The following TRMT11 variants were observed in gnomAD, a reference collection of about 807,000 sequenced individuals.
The protein encoded by TRMT11 is tRNA (guanine(10)-N(2))-methyltransferase TRMT11.
Under a neutral mutation model 62.8 loss-of-function variants are expected in TRMT11, and 53 were observed. That is an observed-to-expected ratio of 0.84 (90% CI 0.68 to 1.06). The LOEUF is 1.06. Among genes scored for constraint, TRMT11 ranks in the 50% least tolerant of loss-of-function variants. The pLI is 0.00. For missense variants in TRMT11, 556 were observed against 553.4 expected, an observed-to-expected ratio of 1.00 and a Z score of -0.05; for synonymous variants, 188 against 190.3, an observed-to-expected ratio of 0.99 and a Z score of 0.10.
In TRMT11 at chr6:126,184,862, G is replaced by T. The variant is rs141568739; in HGVS notation, n.143+7527G>T. Among the ~76,000 whole-genome samples the T allele has an allele frequency of 1.9e-3, 289 of 152,292 alleles. 2 individuals are homozygous for T. The highest frequency in any genetic ancestry group is 2.1e-3 in the Non-Finnish European group (142 of 68,026). ...TAACTAGGGTTAAATGCAATCAGAG[G>T]CAGCCTGACAAAGAATTTCCTTGTC... On this transcript the variant is annotated intron_variant and non_coding_transcript_variant, in intron 1 of 3. Coordinates refer to the TRMT11 transcript ENST00000444229.
chr6:126,245,197 A>G, the TRMT11 span, among the ~76,000 whole-genome samples: 1 of 152,242 alleles, frequency 6.6e-6, no homozygotes, highest in Non-Finnish European at 1.5e-5. Context: ...GGGTGGACCC[A>G]TGAATGATTA....
chr6:125,986,716 G>A, intron 1 of TRMT11, 94 bp downstream of exon 1: 1 of 1,213,478 alleles, frequency 8.2e-7, no homozygotes, highest in East Asian at 2.6e-5. Flanking sequence ...CGAGGAAGCT[G>A]GGATTCGGGG....
intron 17 of TRMT11, among the ~76,000 whole-genome samples, chr6:126,103,670 G>A (rs775787596): frequency 6.6e-6 from 1 of 152,210 alleles, no homozygotes; most frequent in African/African-American, 2.4e-5. Flanking sequence ...GCCTTTCTCA[G>A]CAATTATTGG....
chr6:126,144,687 A>G (rs1194682058), intron 21 of TRMT11, among the ~76,000 whole-genome samples: 1 of 152,108 alleles, frequency 6.6e-6, no homozygotes, highest in Non-Finnish European at 1.5e-5. Flanking sequence ...CCTGTTGCCC[A>G]TTTGATTCTC....
At chr6:126,180,082 A>G (rs1020224547) in intron 1 of TRMT11, among the ~76,000 whole-genome samples, 3 of 152,192 alleles carry the variant, frequency 2.0e-5, no homozygotes, top group African/African-American at 7.2e-5. Context: ...CTGAAAAAAT[A>G]GTTTGGAATG....
At chr6:126,087,324 A>G (rs1330930924) in intron 17 of TRMT11, among the ~76,000 whole-genome samples, 2 of 152,202 alleles carry the variant, frequency 1.3e-5, no homozygotes, top group Non-Finnish European at 2.9e-5. Flanking sequence ...CAAATTGCAA[A>G]TTAAAGAAAA....
At chr6:126,088,205 A>G (rs1777236153) in intron 17 of TRMT11, among the ~76,000 whole-genome samples, 1 of 152,122 alleles carries the variant, frequency 6.6e-6, no homozygotes, top group Non-Finnish European at 1.5e-5. Flanking sequence ...GTTAAATTGA[A>G]TTAAATTTTA....
At chr6:126,211,537 T>A in the TRMT11 span, among the ~76,000 whole-genome samples, 18 of 152,076 alleles carry the variant, frequency 1.2e-4, no homozygotes, top group African/African-American at 4.3e-4. Flanking sequence ...TATAATCCAC[T>A]CTCTACTCTT....
At chr6:126,013,152 G>C (rs199747953) in intron 11 of TRMT11, 51 bp downstream of exon 11, 4 of 1,508,948 alleles carry the variant, frequency 2.7e-6, no homozygotes, top group African/African-American at 2.8e-5. Flanking sequence ...CAATGTTTGC[G>C]TATCTAGTAT....
the TRMT11 span, among the ~76,000 whole-genome samples, chr6:126,229,319 A>G: frequency 6.6e-6 from 1 of 152,220 alleles, no homozygotes; most frequent in Non-Finnish European, 1.5e-5. Context: ...AACATTTCCA[A>G]ATTTCTTCAA....
intron 21 of TRMT11, among the ~76,000 whole-genome samples, chr6:126,154,850 A>G (rs1364935243): frequency 6.6e-6 from 1 of 152,138 alleles, no homozygotes; most frequent in Non-Finnish European, 1.5e-5. Context: ...TGAGCATCCT[A>G]CTAATTTCTA....
At chr6:126,063,091 T>A (rs1029788980) in intron 17 of TRMT11, among the ~76,000 whole-genome samples, 7 of 152,214 alleles carry the variant, frequency 4.6e-5, no homozygotes, top group African/African-American at 1.7e-4. Flanking sequence ...TTATTTATAA[T>A]AATGTTACAT....
At chr6:126,014,407 C>T (rs1038168156) in intron 11 of TRMT11, among the ~76,000 whole-genome samples, 6 of 152,054 alleles carry the variant, frequency 3.9e-5, no homozygotes, top group Non-Finnish European at 8.8e-5. Flanking sequence ...CACGCCACCA[C>T]GGCCCGCTAA....
chr6:126,093,454 G>A (rs1209236860), intron 17 of TRMT11, among the ~76,000 whole-genome samples: 1 of 150,034 alleles, frequency 6.7e-6, no homozygotes, highest in Non-Finnish European at 1.5e-5. Context: ...GAAGTTTGGA[G>A]ACAAGCAGAA....
chr6:126,257,368 G>T, the TRMT11 span, among the ~76,000 whole-genome samples: 1 of 152,162 alleles, frequency 6.6e-6, no homozygotes, highest in South Asian at 2.1e-4. Context: ...CATTGTAAAT[G>T]ATCTTTTAAA....
chr6:126,208,132 A>G (rs1778806765), downstream of TRMT11, among the ~76,000 whole-genome samples: 2 of 152,230 alleles, frequency 1.3e-5, no homozygotes, highest in African/African-American at 4.8e-5. Flanking sequence ...AGGTATCAGG[A>G]GGAAGCAGCC....
intron 11 of TRMT11, among the ~76,000 whole-genome samples, chr6:126,013,326 G>C (rs1794529218): frequency 6.6e-6 from 1 of 151,986 alleles, no homozygotes; most frequent in African/African-American, 2.4e-5. Flanking sequence ...GTGCAATCGT[G>C]ACTCACTGCA....
At chr6:126,021,874 G>T (rs1795863080) in intron 12 of TRMT11, among the ~76,000 whole-genome samples, 1 of 152,204 alleles carries the variant, frequency 6.6e-6, no homozygotes, top group Admixed American at 6.5e-5. Context: ...GAGTTGACAT[G>T]AATAGTGCCT....
intron 7 of TRMT11, among the ~76,000 whole-genome samples, chr6:126,004,226 G>T (rs1317107793): frequency 6.6e-6 from 1 of 152,004 alleles, no homozygotes; most frequent in Non-Finnish European, 1.5e-5. Context: ...GCTAGATTTT[G>T]AAATTATCTT....
Sources: allele counts gnomAD v4.1 joint callset (sites outside exome capture counted in the v4.1 genomes callset), GRCh38; gene constraint gnomAD v4.1.1; transcripts MANE v1.5; gene names NCBI Gene and HGNC (gene_info 2026-07-23, HGNC 2026-07-21).